The following CASZ1 variants were observed in gnomAD, a reference collection of about 807,000 sequenced individuals.
CASZ1 encodes castor zinc finger 1, also known as zinc finger protein castor homolog 1.
In CASZ1, 28 loss-of-function variants were observed where a neutral mutation model predicts 135.2. That is an observed-to-expected ratio of 0.21 (90% CI 0.15 to 0.28). The LOEUF is 0.28. Among genes scored for constraint, CASZ1 ranks in the 10% least tolerant of loss-of-function variants. The pLI is 1.00. For missense variants in CASZ1, 2,161 were observed against 2,453.3 expected (o/e 0.88, Z 2.52); for synonymous variants, 1,068 against 1,073.4 (o/e 0.99, Z 0.10).
At chr1:10,651,237 G>A in intron 11 of CASZ1, 161 bp from the exon 12 acceptor site, 1 of 450,904 alleles carries the variant, frequency 2.2e-6, no homozygotes. Flanking sequence ...GCTCGCTCCT[G>A]TGTGGCAATT....
chr1:10,654,395 G>A, intron 10 of CASZ1, 24 bp downstream of exon 10: 1 of 1,609,112 alleles, frequency 6.2e-7, no homozygotes, highest in East Asian at 2.2e-5. Context: ...TGCCCACGAA[G>A]GCCCCCACCA....
At chr1:10,687,561 G>T (rs1638633492) in intron 4 of CASZ1, among the ~76,000 whole-genome samples, 1 of 152,238 alleles carries the variant, frequency 6.6e-6, no homozygotes, top group African/African-American at 2.4e-5. Flanking sequence ...TGTCTTTCTG[G>T]CCTCACTCCC....
chr1:10,769,788 A>C (rs1640543711), intron 1 of CASZ1, among the ~76,000 whole-genome samples: 1 of 152,202 alleles, frequency 6.6e-6, no homozygotes, highest in Non-Finnish European at 1.5e-5. Flanking sequence ...AAGTGCTGGG[A>C]TTACAGGAGT....
At chr1:10,754,386 G>A (rs529417715) in intron 2 of CASZ1, among the ~76,000 whole-genome samples, 1 of 152,282 alleles carries the variant, frequency 6.6e-6, no homozygotes, top group East Asian at 1.9e-4. Context: ...ACTACCCACA[G>A]TGTCGCTGAA....
chr1:10,722,976 C>G (rs971516605), intron 2 of CASZ1, among the ~76,000 whole-genome samples: 3 of 152,266 alleles, frequency 2.0e-5, no homozygotes, highest in Non-Finnish European at 2.9e-5. Flanking sequence ...GGAGGTGAGC[C>G]GGGTCTGCCA....
chr1:10,751,527 G>C (rs1469666143), intron 2 of CASZ1, among the ~76,000 whole-genome samples: 1 of 152,220 alleles, frequency 6.6e-6, no homozygotes, highest in East Asian at 1.9e-4. Context: ...CACCAGCTTT[G>C]CTTTTAATGC....
rs1639210754 is a variant in CASZ1, at chr1:10,707,952, T to C, written c.-76-2408A>G. ...AGCGGGGCTGAAGTGAAGTGAACTCTTCCAGGCTAAGAAAGAAAAGCCATG... is the reference window on the plus strand; with the variant it reads ...AGCGGGGCTGAAGTGAAGTGAACTCCTCCAGGCTAAGAAAGAAAAGCCATG... On this transcript the variant is annotated intron_variant, in intron 2 of 20. Coordinates refer to ENST00000377022, the MANE Select transcript of CASZ1 (RefSeq NM_001079843.3). This position sits in a 1 kb window ranked among gnomAD's most constrained non-coding sequence, Gnocchi z 5.0. 6.6e-6 allele frequency among the ~76,000 whole-genome samples: 1 copy of C among 152,170 alleles called. No homozygotes were observed. The highest frequency in any genetic ancestry group is 1.5e-5 in the Non-Finnish European group (1 of 68,028).
rs573804489 is a variant in CASZ1, at chr1:10,639,764, G to C, written c.4458C>G (p.Asn1486Lys). 24 of 1,599,614 alleles carry C rather than the reference G, an allele frequency of 1.5e-5. No individual in the cohort carries two copies. Among genetic ancestry groups the C allele is most frequent in the Non-Finnish European group, 2.6e-6 (3 of 1,173,684 alleles). ...KHAQHHDRVD[N>K]LVLDDFKRFK... Reference sequence around the variant, plus strand: ...AGCGCTTGAAGTCGTCCAGCACCAGGTTGTCCACGCGGTCGTGGTGCTGCG... The same window carrying C: ...AGCGCTTGAAGTCGTCCAGCACCAGCTTGTCCACGCGGTCGTGGTGCTGCG... The change falls in exon 21 of 21, where the codon AAC becomes AAG. Residue 1486 changes from asparagine (N) to lysine (K), a missense_variant. Around this residue, in one of 7 missense-constraint regions of CASZ1, gnomAD observed 240 missense variants for 321.4 expected, o/e 0.75. Transcript: ENST00000377022. This position sits in a 1 kb window ranked among gnomAD's most constrained non-coding sequence, Gnocchi z 4.0.
chr1:10,742,063 C>T (rs2100533762), intron 2 of CASZ1, among the ~76,000 whole-genome samples: 1 of 152,276 alleles, frequency 6.6e-6, no homozygotes, highest in South Asian at 2.1e-4. Context: ...ACTTTGCAAC[C>T]ACAGGGTCCA....
intron 2 of CASZ1, among the ~76,000 whole-genome samples, chr1:10,742,227 T>A (rs1404906745): frequency 6.6e-6 from 1 of 152,102 alleles, no homozygotes; most frequent in Non-Finnish European, 1.5e-5. Context: ...GACAAAGAGC[T>A]GGGCAGAGGG....
chr1:10,703,057 G>C (rs948041936), intron 3 of CASZ1, among the ~76,000 whole-genome samples: 2 of 151,986 alleles, frequency 1.3e-5, no homozygotes, highest in Non-Finnish European at 2.9e-5. Flanking sequence ...GGGATGCAGA[G>C]AGGAGGCCTG....
chr1:10,648,166 A>G, intron 15 of CASZ1, 27 bp from the exon 16 acceptor site: 2 of 1,443,636 alleles, frequency 1.4e-6, no homozygotes, highest in Non-Finnish European at 1.9e-6. Context: ...AGGGGGTCTC[A>G]TGGGGGGCAG....
rs775509410 is a variant in CASZ1, at chr1:10,653,772, G to A, written c.2285C>T (p.Pro762Leu). ...AAATAATEAG[P>L]SATKPPNSKI... ...GCTGTTGGGAGGTTTGGTGGCACTG[G>A]GCCCAGCCTCGGTGGCGGCAGTGGC... The change falls in exon 11 of 21, where the codon CCC becomes CTC. Residue 762 changes from proline (P) to leucine (L), a missense_variant. Around this residue, in one of 7 missense-constraint regions of CASZ1, gnomAD observed 406 missense variants for 387.6 expected, o/e 1.05. Coordinates refer to ENST00000377022, the MANE Select transcript of CASZ1 (RefSeq NM_001079843.3). 4.8e-5 allele frequency: 78 copies of A among 1,610,902 alleles called. No homozygotes were observed. In the South Asian group the frequency reaches 7.9e-4, roughly 16 times the overall value.
chr1:10,758,479 G>C (rs1640302322), intron 2 of CASZ1, among the ~76,000 whole-genome samples: 1 of 152,066 alleles, frequency 6.6e-6, no homozygotes, highest in South Asian at 2.1e-4. Flanking sequence ...TTACAGGCAT[G>C]CACCACTATA....
chr1:10,788,642 A>G lies in CASZ1; in HGVS notation c.-234+7922T>C, dbSNP rs800761. Among the ~76,000 whole-genome samples, 132,545 of 152,204 alleles carry G rather than the reference A, an allele frequency of 0.87. 57,922 individuals carry two copies. Among genetic ancestry groups the G allele is most frequent in the East Asian group, 0.97 (5,022 of 5,160 alleles). ...ACACCCAGGTGGCCAAGGATGGAAC[A>G]GGCGGAGACCACAGGCAGGACTCCA... On this transcript the variant is annotated intron_variant, in intron 1 of 20. Transcript: ENST00000377022. This position sits in a 1 kb window ranked among gnomAD's most constrained non-coding sequence, Gnocchi z 4.1.
At chr1:10,684,782 C>G (rs1638533927) in intron 4 of CASZ1, among the ~76,000 whole-genome samples, 1 of 152,240 alleles carries the variant, frequency 6.6e-6, no homozygotes, top group Non-Finnish European at 1.5e-5. Context: ...CAGAAATTCT[C>G]TCTTTCCTGG....
chr1:10,748,511 A>G (rs1272179281), intron 2 of CASZ1, among the ~76,000 whole-genome samples: 2 of 152,214 alleles, frequency 1.3e-5, no homozygotes, highest in Non-Finnish European at 2.9e-5. Context: ...ACAGAGGAGT[A>G]CAATGAGGCT....
At chr1:10,664,998 G>A (rs1255546075) in intron 5 of CASZ1, 85 bp downstream of exon 5, 26 of 1,374,802 alleles carry the variant, frequency 1.9e-5, no homozygotes, top group African/African-American at 5.9e-5. Flanking sequence ...GTGAGGAGTC[G>A]GGTGTGCTTA....
rs780338349 is a variant in CASZ1, at chr1:10,653,501, G to A, written c.2556C>T (p.Ala852=). The A allele has an allele frequency of 9.9e-6, 16 of 1,610,912 alleles. No homozygotes were observed. In the South Asian group the frequency reaches 1.2e-4, roughly 12 times the overall value. Residue 852 remains alanine, a synonymous_variant, in exon 11 of 21, where the codon GCC becomes GCT. Coordinates refer to ENST00000377022, the MANE Select transcript of CASZ1 (RefSeq NM_001079843.3). ...AGGCGGGTGGTGCCGGGACAGAGGC[G>A]GCAGCCACGGGGGCTGAGTCTCCAG... ...SGAGDSAPVA[A]ASVPAPPASI... is the part of the protein sequence containing the mutation.
Sources: allele counts gnomAD v4.1 joint callset (sites outside exome capture counted in the v4.1 genomes callset), GRCh38; gene constraint gnomAD v4.1.1; regional missense constraint gnomAD v4.1.1; non-coding constraint Gnocchi (gnomAD v3.1); transcripts MANE v1.5; gene names NCBI Gene and HGNC (gene_info 2026-07-23, HGNC 2026-07-21).